ESF1: variants seen among roughly 807,000 people sequenced by gnomAD.
The protein encoded by ESF1 is ESF1 nucleolar pre-rRNA processing protein, also known as ESF1 homolog.
In ESF1, 58 loss-of-function variants were observed where a neutral mutation model predicts 92.0. The ratio of observed to expected loss-of-function variants is 0.63; its 90% CI spans 0.51 to 0.78. The LOEUF (loss-of-function observed/expected upper bound fraction) is 0.78, where lower values mean the gene tolerates loss of function less well. ESF1 is among the 30% of genes least tolerant of loss of function. ESF1 has a pLI of 0.00. For synonymous variants in ESF1, 321 were observed against 313.7 expected, an observed-to-expected ratio of 1.02 and a Z score of -0.24; for missense variants, 922 against 989.1, an observed-to-expected ratio of 0.93 and a Z score of 0.91.
chr20:13,762,432 C>T (rs552371435), intron 8 of ESF1, among the ~76,000 whole-genome samples: 1 of 152,302 alleles, frequency 6.6e-6, no homozygotes, highest in East Asian at 1.9e-4. Context: ...TAAAAGCTTA[C>T]TTCTGAAAAC....
chr20:13,740,386 A>C (rs1287700707), intron 9 of ESF1, among the ~76,000 whole-genome samples: 1 of 152,214 alleles, frequency 6.6e-6, no homozygotes, highest in Non-Finnish European at 1.5e-5. Flanking sequence ...CAAAAGGATA[A>C]GACTAGAAAA....
rs551057124 is a variant in ESF1, at chr20:13,765,099, C to T, written c.1666+1678G>A. 1.6e-4 allele frequency among the ~76,000 whole-genome samples: 25 copies of T among 152,036 alleles called. No homozygotes were observed. In the East Asian group the frequency reaches 2.5e-3, roughly 15 times the overall value. On this transcript the variant is annotated intron_variant, in intron 8 of 13. Transcript: ENST00000617257. ...TTACCCGGGCATGGTGGTGGGCACC[C>T]GCAGTCCCAGCTACTTGGGAGGCTG... is the stretch of plus-strand genomic sequence containing the variant.
chr20:13,715,255 G>A, intron 13 of ESF1, 88 bp from the exon 14 acceptor site: 1 of 1,230,620 alleles, frequency 8.1e-7, no homozygotes. Flanking sequence ...AATTTCGAAA[G>A]TTGGTGAGTT....
At chr20:13,773,381 C>T (rs1406550589) in intron 4 of ESF1, among the ~76,000 whole-genome samples, 1 of 152,180 alleles carries the variant, frequency 6.6e-6, no homozygotes, top group African/African-American at 2.4e-5. Context: ...TATGTAGTCA[C>T]ATCTTTTGAT....
At chr20:13,715,602 A>C (rs942868947) in intron 13 of ESF1, among the ~76,000 whole-genome samples, 18 of 152,214 alleles carry the variant, frequency 1.2e-4, no homozygotes, top group African/African-American at 4.3e-4. Flanking sequence ...AAGAAATTTT[A>C]ATCTTGGTGC....
At chr20:13,720,126 C>T (rs2049857484) in intron 11 of ESF1, among the ~76,000 whole-genome samples, 1 of 152,142 alleles carries the variant, frequency 6.6e-6, no homozygotes, top group Admixed American at 6.5e-5. Context: ...CTATTTGGAA[C>T]ATGAGACTTC....
rs1568727871 is a variant in ESF1 at position 13,772,623 on chromosome 20, G to GAA, written c.1150-10_1150-9dup. 1 of 1,567,488 alleles carries GAA rather than the reference G, an allele frequency of 6.4e-7. No homozygotes were observed. The highest frequency in any genetic ancestry group is 2.2e-5 in the East Asian group (1 of 44,568). ...AAATTCTGAAGGATATATCTAAACAGAAAAAAATAGGATCAATGTAATTTG... is the reference window on the plus strand; with the variant it reads ...AAATTCTGAAGGATATATCTAAACAGAAAAAAAAATAGGATCAATGTAATTTG... On this transcript the variant is annotated splice_polypyrimidine_tract_variant and intron_variant, in intron 4 of 13. Coordinates refer to ENST00000617257, the MANE Select transcript of ESF1 (RefSeq NM_001276380.2).
At chr20:13,783,935 CTG>C (rs1457003750) in intron 1 of ESF1, among the ~76,000 whole-genome samples, 5 of 152,232 alleles carry the variant, frequency 3.3e-5, no homozygotes, top group Non-Finnish European at 7.3e-5. Flanking sequence ...GCCTTTAGTT[CTG>C]TAAGACTAGC....
At chr20:13,738,939 C>T (rs759488180) in intron 9 of ESF1, among the ~76,000 whole-genome samples, 1 of 152,150 alleles carries the variant, frequency 6.6e-6, no homozygotes, top group Non-Finnish European at 1.5e-5. Context: ...AAATAACTAG[C>T]CTTGTGAACA....
chr20:13,781,029 C>T lies in ESF1; in HGVS notation c.637+1475G>A, dbSNP rs1430765590. Among the ~76,000 whole-genome samples the T allele has an allele frequency of 2.6e-5, 4 of 152,278 alleles. No homozygotes were observed. In the East Asian group the frequency reaches 7.7e-4, roughly 29 times the overall value. ...TCTGGTCCTCAAACTTAAATTTTTC[C>T]ACACCCCAAAGTAGTGCGTCCCCTA... On this transcript the variant is annotated intron_variant, in intron 2 of 13. Transcript: ENST00000617257.
chr20:13,738,288 T>C (rs761692986), intron 9 of ESF1, among the ~76,000 whole-genome samples: 1 of 151,356 alleles, frequency 6.6e-6, no homozygotes, highest in Admixed American at 6.6e-5. Flanking sequence ...ATTTCTTGTA[T>C]GAACTTCTGT....
intron 7 of ESF1, among the ~76,000 whole-genome samples, chr20:13,767,300 G>T (rs1034085037): frequency 3.3e-5 from 5 of 152,188 alleles, no homozygotes; most frequent in Non-Finnish European, 7.4e-5. Flanking sequence ...GCCAAGGCGG[G>T]TGGATCACCT....
chr20:13,717,568 C>G, intron 12 of ESF1, 54 bp from the exon 13 acceptor site: 5 of 1,596,896 alleles, frequency 3.1e-6, no homozygotes, highest in Non-Finnish European at 4.3e-6. Context: ...TTTTCCACCC[C>G]CAAAAAGGAG....
chr20:13,770,367 T>C (rs1302521104), intron 6 of ESF1, among the ~76,000 whole-genome samples: 1 of 152,184 alleles, frequency 6.6e-6, no homozygotes, highest in Non-Finnish European at 1.5e-5. Flanking sequence ...ATTGACTACA[T>C]GATTTTGTTG....
chr20:13,775,847 A>G, intron 3 of ESF1, 26 bp downstream of exon 3: 1 of 1,560,756 alleles, frequency 6.4e-7, no homozygotes, highest in South Asian at 1.2e-5. Context: ...TTTTTCACAA[A>G]TAATCTTGTT....
intron 2 of ESF1, 33 bp from the exon 3 acceptor site, chr20:13,776,303 A>G (rs1438356031): frequency 1.3e-6 from 2 of 1,566,294 alleles, no homozygotes; most frequent in Non-Finnish European, 1.7e-6. Flanking sequence ...GAAATTAAGA[A>G]AAGATATATG....
chr20:13,755,838 T>C (rs1435854836), intron 9 of ESF1, among the ~76,000 whole-genome samples: 1 of 152,166 alleles, frequency 6.6e-6, no homozygotes, highest in African/African-American at 2.4e-5. Context: ...TAACCCAATG[T>C]AAAAAGGTAG....
chr20:13,764,272 G>C (rs1979330240), intron 8 of ESF1, among the ~76,000 whole-genome samples: 1 of 152,146 alleles, frequency 6.6e-6, no homozygotes, highest in East Asian at 1.9e-4. Flanking sequence ...AATTCTATTA[G>C]ATAAGAAGAA....
At chr20:13,728,523 T>A (rs1426680727) in intron 10 of ESF1, 58 bp from the exon 11 acceptor site, 2 of 1,273,184 alleles carry the variant, frequency 1.6e-6, no homozygotes, top group African/African-American at 3.0e-5. Context: ...ATAATAAATG[T>A]ATACCAAGAA....
Sources: gnomAD v4.1 joint callset for allele counts (sites outside exome capture counted in the v4.1 genomes callset) on GRCh38, gnomAD v4.1.1 for gene constraint, MANE v1.5 for transcripts, NCBI Gene and HGNC (gene_info 2026-07-23, HGNC 2026-07-21) for gene names.